SLC13A1: variants seen among roughly 807,000 people sequenced by gnomAD.
SLC13A1 encodes solute carrier family 13 member 1.
SLC13A1 carries 65 observed loss-of-function variants against 70.0 expected under a neutral mutation model. That is an observed-to-expected ratio of 0.93 (90% CI 0.76 to 1.14). The LOEUF is 1.14. Ranked by LOEUF, SLC13A1 falls within the 50% of genes most tolerant of loss-of-function variation. The pLI is 0.00. For synonymous variants in SLC13A1, 275 were observed against 250.5 expected, an observed-to-expected ratio of 1.10 and a Z score of -0.92; for missense variants, 726 against 717.8, an observed-to-expected ratio of 1.01 and a Z score of -0.13.
chr7:123,167,593 G>A (rs62486069), intron 6 of SLC13A1, among the ~76,000 whole-genome samples: 7,216 of 152,008 alleles, frequency 0.047, 315 homozygotes, highest in Non-Finnish European at 0.069. Flanking sequence ...TATTTTTCAG[G>A]TCTTGAGATA....
intron 6 of SLC13A1, among the ~76,000 whole-genome samples, chr7:123,165,709 A>G (rs1396785282): frequency 1.3e-5 from 2 of 152,190 alleles, no homozygotes; most frequent in Non-Finnish European, 2.9e-5. Context: ...GGACAAACCC[A>G]TACAATAATT....
intron 10 of SLC13A1, among the ~76,000 whole-genome samples, chr7:123,126,058 G>A (rs557689377): frequency 2.6e-5 from 4 of 152,216 alleles, no homozygotes; most frequent in Non-Finnish European, 5.9e-5. Flanking sequence ...CATTGCTAGA[G>A]CATGGAAAGC....
intron 8 of SLC13A1, among the ~76,000 whole-genome samples, chr7:123,131,081 C>T (rs1003199334): frequency 6.6e-6 from 1 of 152,132 alleles, no homozygotes; most frequent in Non-Finnish European, 1.5e-5. Context: ...ACAGAAAGGA[C>T]ATTTTCTTTC....
chr7:123,167,284 T>G (rs12666759), intron 6 of SLC13A1, among the ~76,000 whole-genome samples: 1 of 152,242 alleles, frequency 6.6e-6, no homozygotes, highest in East Asian at 1.9e-4. Flanking sequence ...TAATTTTTCA[T>G]GTTTTATAGG....
rs1261716953 is a variant in SLC13A1, at chr7:123,147,322, C to A, written c.661-12G>T. The A allele has an allele frequency of 5.0e-6, 8 of 1,611,072 alleles. No homozygotes were observed. The African/African-American group carries it at 1.1e-4, about 22-fold the overall frequency. ...CTCATGCCTGAGTTCTGTTCAACAACAACAAAAAACTACCATGAGAACTGC... is the reference window on the plus strand; with the variant it reads ...CTCATGCCTGAGTTCTGTTCAACAAAAACAAAAAACTACCATGAGAACTGC... On this transcript the variant is annotated splice_polypyrimidine_tract_variant and intron_variant, in intron 6 of 14. Coordinates refer to ENST00000194130, the MANE Select transcript of SLC13A1 (RefSeq NM_022444.4).
chr7:123,124,693 G>A (rs1793501384), intron 11 of SLC13A1, among the ~76,000 whole-genome samples: 1 of 152,050 alleles, frequency 6.6e-6, no homozygotes, highest in Non-Finnish European at 1.5e-5. Context: ...GTGTGTCTGT[G>A]TGTGTGTGTG....
chr7:123,160,751 C>A (rs149298556), intron 6 of SLC13A1, among the ~76,000 whole-genome samples: 2 of 151,828 alleles, frequency 1.3e-5, no homozygotes, highest in Admixed American at 6.6e-5. Flanking sequence ...AGTTTCTGAC[C>A]GCAGAAAAAT....
intron 7 of SLC13A1, among the ~76,000 whole-genome samples, chr7:123,145,588 T>C (rs1794322454): frequency 6.6e-6 from 1 of 152,222 alleles, no homozygotes; most frequent in African/African-American, 2.4e-5. Context: ...AGATGTCAGG[T>C]GCATTTCTTG....
chr7:123,174,387 G>C (rs1795379306), intron 2 of SLC13A1, among the ~76,000 whole-genome samples: 1 of 152,108 alleles, frequency 6.6e-6, no homozygotes, highest in South Asian at 2.1e-4. Flanking sequence ...TTCTCCCTTT[G>C]TAGTTAATGT....
intron 7 of SLC13A1, among the ~76,000 whole-genome samples, chr7:123,135,552 G>C (rs1793923903): frequency 1.3e-5 from 2 of 151,902 alleles, no homozygotes; most frequent in South Asian, 2.1e-4. Flanking sequence ...TAGAAATATT[G>C]ATTTGCAATT....
chr7:123,139,652 G>A (rs571837105), intron 7 of SLC13A1, among the ~76,000 whole-genome samples: 2 of 151,778 alleles, frequency 1.3e-5, no homozygotes, highest in African/African-American at 4.8e-5. Flanking sequence ...TAATTCTTAG[G>A]TACTTAGTTT....
At chr7:123,151,732 C>T (rs1480342562) in intron 6 of SLC13A1, among the ~76,000 whole-genome samples, 1 of 151,998 alleles carries the variant, frequency 6.6e-6, no homozygotes, top group Admixed American at 6.6e-5. Context: ...GTTTTGAAAC[C>T]ATGCAGTCTT....
chr7:123,171,506 T>C (rs1317009982), intron 3 of SLC13A1, among the ~76,000 whole-genome samples: 1 of 152,190 alleles, frequency 6.6e-6, no homozygotes, highest in Non-Finnish European at 1.5e-5. Context: ...AGCTTTGACT[T>C]CTATGATGCA....
chr7:123,184,049 C>T (rs79696994), intron 1 of SLC13A1, among the ~76,000 whole-genome samples: 1 of 152,034 alleles, frequency 6.6e-6, no homozygotes, highest in African/African-American at 2.4e-5. Context: ...GTGAAAATTG[C>T]CCCCTTTTTT....
chr7:123,183,650 T>C (rs1795707180), intron 1 of SLC13A1, among the ~76,000 whole-genome samples: 1 of 152,146 alleles, frequency 6.6e-6, no homozygotes, highest in South Asian at 2.1e-4. Flanking sequence ...TCTGGGCACT[T>C]GTGAGAAATG....
At chr7:123,142,447 C>G (rs763958159) in intron 7 of SLC13A1, among the ~76,000 whole-genome samples, 6 of 152,134 alleles carry the variant, frequency 3.9e-5, no homozygotes, top group East Asian at 1.9e-4. Context: ...TGTGGCCAAG[C>G]TGGCACCTAA....
At chr7:123,137,812 T>C (rs2116360170) in intron 7 of SLC13A1, among the ~76,000 whole-genome samples, 1 of 152,282 alleles carries the variant, frequency 6.6e-6, no homozygotes, top group South Asian at 2.1e-4. Context: ...TGTATATATG[T>C]ATGGGGTACA....
At chr7:123,137,846 C>G (rs1195508940) in intron 7 of SLC13A1, among the ~76,000 whole-genome samples, 1 of 152,058 alleles carries the variant, frequency 6.6e-6, no homozygotes, top group African/African-American at 2.4e-5. Flanking sequence ...TACAGGCATT[C>G]AATGTGTAAT....
At chr7:123,171,929 T>G in intron 2 of SLC13A1, 25 bp from the exon 3 acceptor site, 1 of 1,603,886 alleles carries the variant, frequency 6.2e-7, no homozygotes. Context: ...AAACCCGTGA[T>G]TATTTACTTT....
Sources: gnomAD v4.1 joint callset for allele counts (sites outside exome capture counted in the v4.1 genomes callset) on GRCh38, gnomAD v4.1.1 for gene constraint, MANE v1.5 for transcripts, NCBI Gene and HGNC (gene_info 2026-07-23, HGNC 2026-07-21) for gene names.